Variants in IL16 observed in about 807,000 individuals in gnomAD.
IL16 encodes interleukin 16, also known as pro-interleukin-16.
In IL16, 67 loss-of-function variants were observed where a neutral mutation model predicts 110.1. That is an observed-to-expected ratio of 0.61 (90% CI 0.50 to 0.75). The LOEUF is 0.75. Ranked by LOEUF, IL16 falls within the 30% of genes least tolerant of loss-of-function variation. The pLI, the probability that IL16 is intolerant of heterozygous loss-of-function variation, is 0.00. For missense variants in IL16, 1,545 were observed against 1,655.0 expected, an observed-to-expected ratio of 0.93 and a Z score of 1.15; for synonymous variants, 689 against 662.9, an observed-to-expected ratio of 1.04 and a Z score of -0.61.
chr15:81,308,473 A>C (rs543301827), intron 18 of IL16, 132 bp from the exon 19 acceptor site: 2 of 645,534 alleles, frequency 3.1e-6, no homozygotes, highest in Admixed American at 3.2e-5. Flanking sequence ...AGAACCACCA[A>C]CAAGCAAGCT....
At chr15:81,256,282 TTAAC>T (rs956001942) in intron 2 of IL16, among the ~76,000 whole-genome samples, 1 of 152,150 alleles carries the variant, frequency 6.6e-6, no homozygotes, top group Non-Finnish European at 1.5e-5. Flanking sequence ...ATATCTTTTT[TTAAC>T]TTACTATGAT....
At chr15:81,237,413 C>T (rs1411338602) in intron 2 of IL16, among the ~76,000 whole-genome samples, 1 of 152,202 alleles carries the variant, frequency 6.6e-6, no homozygotes, top group Non-Finnish European at 1.5e-5. Flanking sequence ...GCATGAGATT[C>T]TATACATCAC....
Position 81,290,637 on chromosome 15 carries a change from C to T in IL16, c.1420+97C>T, listed in dbSNP as rs1028775310. On this transcript the variant is annotated intron_variant, in intron 11 of 18. Coordinates refer to ENST00000683961, the MANE Select transcript of IL16 (RefSeq NM_172217.5). ...TCATCCTCTATCCAAGGAATAGTAA[C>T]AGCATTTACCATAGACCAGCATAGT... The T allele has an allele frequency of 2.6e-5, 20 of 758,048 alleles. No individual in the cohort carries two copies. The African/African-American group carries it at 2.9e-4, about 11-fold the overall frequency. 47.0% of individuals were successfully genotyped at this position (758,048 alleles called of 1,614,324 possible).
At chr15:81,255,570 C>G (rs1897915535) in intron 2 of IL16, among the ~76,000 whole-genome samples, 1 of 152,194 alleles carries the variant, frequency 6.6e-6, no homozygotes, top group Non-Finnish European at 1.5e-5. Context: ...CTACACCTCC[C>G]TGCATGTGGA....
rs761395297 is a variant in IL16, at chr15:81,292,852, C to T, written c.1717C>T (p.Arg573Trp). The change falls in exon 12 of 19, where the codon CGG becomes TGG. Residue 573 changes from arginine to tryptophan, a missense_variant. Transcript: ENST00000683961. ...GGAGAGCCCACCCCTCCCAGAGAGC[C>T]GGGACAGCCACCCGCCGCTGAGACT... ...PQESPPLPESRDSHPPLRLKK... is the reference protein window; with the variant it reads ...PQESPPLPESWDSHPPLRLKK... The T allele has an allele frequency of 1.9e-5, 31 of 1,613,462 alleles. No individual in the cohort carries two copies. Among genetic ancestry groups the T allele is most frequent in the East Asian group, 6.7e-5 (3 of 44,880 alleles).
exon 1 of IL16, chr15:81,182,875 G>T (rs1373559785): frequency 3.9e-6 from 5 of 1,289,544 alleles, no homozygotes; most frequent in Non-Finnish European, 5.1e-6. Flanking sequence ...GCAGAAGAGA[G>T]TCTTCCCGAG....
intron 3 of IL16, among the ~76,000 whole-genome samples, chr15:81,263,142 A>G (rs917220257): frequency 6.6e-6 from 1 of 152,188 alleles, no homozygotes; most frequent in Non-Finnish European, 1.5e-5. Context: ...AAGTTTAATC[A>G]ATTAATTAAT....
intron 5 of IL16, among the ~76,000 whole-genome samples, chr15:81,270,636 G>A (rs1390430498): frequency 6.6e-6 from 1 of 152,198 alleles, no homozygotes; most frequent in Non-Finnish European, 1.5e-5. Context: ...AAATCACGAT[G>A]CTTTTTCCCC....
intron 8 of IL16, among the ~76,000 whole-genome samples, chr15:81,280,857 G>T (rs1374339386): frequency 6.6e-6 from 1 of 152,278 alleles, no homozygotes; most frequent in East Asian, 1.9e-4. Flanking sequence ...CAGGGCTCCC[G>T]CAGTGCATTT....
intron 1 of IL16, among the ~76,000 whole-genome samples, chr15:81,183,310 G>A (rs1398970420): frequency 2.0e-5 from 3 of 152,214 alleles, no homozygotes; most frequent in Admixed American, 2.0e-4. Flanking sequence ...TCCAGTTTCA[G>A]CAGAAGCAGA....
Position 81,309,037 on chromosome 15 carries a change from G to A in IL16, c.*239G>A, listed in dbSNP as rs1900719116. The A allele has an allele frequency of 2.4e-6, 1 of 420,960 alleles. No individual in the cohort carries two copies. The highest frequency in any genetic ancestry group is 4.2e-5 in the Admixed American group (1 of 23,542). The allele number at this position is 420,960 out of a possible 1,614,324, so 26.1% of individuals were successfully genotyped here. On this transcript the variant is annotated 3_prime_UTR_variant, in exon 19 of 19. Transcript: ENST00000683961. Reference sequence around the variant, plus strand: ...ACAAATTGCAGACTGTGTAAAAAGAGAGCTTAATGATAATATTGTGGTGCC... The same window carrying A: ...ACAAATTGCAGACTGTGTAAAAAGAAAGCTTAATGATAATATTGTGGTGCC...
chr15:81,220,999 A>G (rs1350895993), intron 1 of IL16, among the ~76,000 whole-genome samples: 1 of 152,088 alleles, frequency 6.6e-6, no homozygotes, highest in Non-Finnish European at 1.5e-5. Flanking sequence ...GTAAAAACAT[A>G]TACTGATAAC....
intron 1 of IL16, among the ~76,000 whole-genome samples, chr15:81,209,132 C>G (rs1896141222): frequency 6.6e-6 from 1 of 152,154 alleles, no homozygotes; most frequent in Non-Finnish European, 1.5e-5. Flanking sequence ...ATGTTCCAGA[C>G]AGTGTGCAAG....
At chr15:81,294,329 G>T (rs1020984427) in intron 12 of IL16, among the ~76,000 whole-genome samples, 3 of 152,190 alleles carry the variant, frequency 2.0e-5, no homozygotes. Flanking sequence ...TTTCCCTTGG[G>T]CCTGAGACCT....
intron 2 of IL16, among the ~76,000 whole-genome samples, chr15:81,254,124 C>A (rs1368379133): frequency 6.6e-6 from 1 of 152,152 alleles, no homozygotes; most frequent in Admixed American, 6.5e-5. Context: ...TAGACTGGAG[C>A]AGCTATGGCA....
chr15:81,222,406 T>G (rs1896647063), intron 1 of IL16, among the ~76,000 whole-genome samples: 1 of 149,354 alleles, frequency 6.7e-6, no homozygotes, highest in African/African-American at 2.5e-5. Flanking sequence ...AAAAAGAAAG[T>G]CTTTTGGTTT....
At position 81,299,545 on chromosome 15, in the gene IL16, C is replaced by T. The variant is rs1185857265; in HGVS notation, c.2219C>T (p.Pro740Leu). The T allele has an allele frequency of 6.2e-7, 1 of 1,614,180 alleles. No individual in the cohort carries two copies. The highest frequency in any genetic ancestry group is 8.5e-7 in the Non-Finnish European group (1 of 1,180,048). Residue 740 changes from proline (P) to leucine (L), a missense_variant, in exon 14 of 19, where the codon CCC (proline) becomes CTC (leucine). Around this residue, in one of 3 missense-constraint regions of IL16, gnomAD observed 1,185 missense variants for 1,238.8 expected, o/e 0.96. Coordinates refer to ENST00000683961, the MANE Select transcript of IL16 (RefSeq NM_172217.5). ...AACCATGGCCACATGCCTCTACAGC[C>T]CAATGCCAGCCTGAATGAAGAAGAA... ...SENHGHMPLQ[P>L]NASLNEEEGT...
At chr15:81,192,388 G>T (rs186371186), upstream of IL16, among the ~76,000 whole-genome samples, 1 of 152,012 alleles carries the variant, frequency 6.6e-6, no homozygotes, top group Non-Finnish European at 1.5e-5. Flanking sequence ...ACTGCTTGAG[G>T]CCAGGAGTTC....
rs1023351261 is a variant in IL16, at chr15:81,310,036, C to T, written c.*1238C>T. On this transcript the variant is annotated 3_prime_UTR_variant, in exon 19 of 19. Transcript: ENST00000683961. The stretch of plus-strand genomic sequence containing the variant: ...TGGCCAAAGGGATATTTGGTTTGGC[C>T]ATCTCTGGATGCCTGATTGCCAAGC... The T allele has an allele frequency of 1.3e-5, 2 of 152,180 alleles. No individual in the cohort carries two copies. The highest frequency in any genetic ancestry group is 4.8e-5 in the African/African-American group (2 of 41,450). 9.4% of individuals were successfully genotyped at this position (152,180 alleles called of 1,614,324 possible).
Sources: gnomAD v4.1 joint callset for allele counts (sites outside exome capture counted in the v4.1 genomes callset) on GRCh38, gnomAD v4.1.1 for gene constraint, gnomAD v4.1.1 regional missense constraint, MANE v1.5 for transcripts, NCBI Gene and HGNC (gene_info 2026-07-23, HGNC 2026-07-21) for gene names.